Variants in MAGI2 observed in about 807,000 individuals in gnomAD.
MAGI2 encodes the protein membrane-associated guanylate kinase, WW and PDZ domain-containing protein 2.
In MAGI2, 35 loss-of-function variants were observed where a neutral mutation model predicts 133.3. That is an observed-to-expected ratio of 0.26 (90% confidence interval 0.20 to 0.35). The LOEUF (loss-of-function observed/expected upper bound fraction) is 0.35, where lower values mean the gene tolerates loss of function less well. Ranked by LOEUF, MAGI2 falls within the 10% of genes least tolerant of loss-of-function variation. The pLI is 1.00. For missense variants in MAGI2, 1,636 were observed against 1,863.4 expected (o/e 0.88, Z 2.25); for synonymous variants, 729 against 710.6 (o/e 1.03, Z -0.41).
At chr7:78,068,711 G>A (rs979974182) in intron 21 of MAGI2, among the ~76,000 whole-genome samples, 5 of 152,170 alleles carry the variant, frequency 3.3e-5, no homozygotes, top group African/African-American at 7.2e-5. Flanking sequence ...ATTTGACTAG[G>A]GGAAACCAGG....
At chr7:78,355,960 A>C (rs1007376025) in intron 7 of MAGI2, among the ~76,000 whole-genome samples, 17 of 152,190 alleles carry the variant, frequency 1.1e-4, no homozygotes, top group Non-Finnish European at 1.9e-4. Context: ...ATATTGGAGA[A>C]AGTGAGAAAT....
At chr7:78,554,310 G>T (rs1799604074) in intron 3 of MAGI2, among the ~76,000 whole-genome samples, 1 of 152,196 alleles carries the variant, frequency 6.6e-6, no homozygotes, top group Non-Finnish European at 1.5e-5. Flanking sequence ...GGGGCTGCAA[G>T]CACCATCATG....
intron 2 of MAGI2, among the ~76,000 whole-genome samples, chr7:78,828,409 A>C (rs1481985499): frequency 6.6e-6 from 1 of 152,190 alleles, no homozygotes; most frequent in African/African-American, 2.4e-5. Flanking sequence ...CTTCCCCAAC[A>C]CACAATTCTA....
At chr7:78,540,560 G>A (rs1247862561) in intron 3 of MAGI2, among the ~76,000 whole-genome samples, 1 of 152,118 alleles carries the variant, frequency 6.6e-6, no homozygotes, top group South Asian at 2.1e-4. Flanking sequence ...CACCTGCCAT[G>A]ACTTATGTGC....
chr7:78,299,008 G>A (rs1334729540), intron 9 of MAGI2, among the ~76,000 whole-genome samples: 5 of 150,102 alleles, frequency 3.3e-5, no homozygotes, highest in African/African-American at 9.8e-5. Context: ...GTACAGACAG[G>A]GTTTCTCTGT....
intron 2 of MAGI2, among the ~76,000 whole-genome samples, chr7:78,641,185 A>T (rs1810264699): frequency 6.6e-6 from 1 of 152,168 alleles, no homozygotes; most frequent in Admixed American, 6.6e-5. Flanking sequence ...TCTTTTCTTT[A>T]TAAATTATAC....
intron 21 of MAGI2, among the ~76,000 whole-genome samples, chr7:78,022,890 G>T (rs531763044): frequency 0.015 from 2,357 of 152,260 alleles, 71 homozygotes; most frequent in African/African-American, 0.053. Context: ...TTTGTTTATA[G>T]ATCATTAAAC....
intron 1 of MAGI2, among the ~76,000 whole-genome samples, chr7:79,448,000 G>T (rs1848981636): frequency 6.6e-6 from 1 of 151,830 alleles, no homozygotes; most frequent in Admixed American, 6.6e-5. Flanking sequence ...AATATAAGAA[G>T]TATAAACTCC....
At chr7:78,675,119 G>A (rs1006199010) in intron 2 of MAGI2, among the ~76,000 whole-genome samples, 1 of 152,054 alleles carries the variant, frequency 6.6e-6, no homozygotes, top group African/African-American at 2.4e-5. Context: ...CAGTATTGCT[G>A]GGGGTTACTG....
intron 1 of MAGI2, among the ~76,000 whole-genome samples, chr7:79,216,709 T>C (rs1282958558): frequency 6.6e-6 from 1 of 152,104 alleles, no homozygotes; most frequent in African/African-American, 2.4e-5. Context: ...GGAACTCTCC[T>C]GTTTCACATA....
chr7:79,207,069 G>A (rs1016331049), intron 1 of MAGI2, among the ~76,000 whole-genome samples: 10 of 151,726 alleles, frequency 6.6e-5, no homozygotes, highest in East Asian at 1.9e-4. Context: ...TCTATAGTCC[G>A]TAACACAATA....
At chr7:78,501,539 C>G in intron 5 of MAGI2, 38 bp downstream of exon 5, 1 of 1,513,206 alleles carries the variant, frequency 6.6e-7, no homozygotes, top group Non-Finnish European at 9.2e-7. Context: ...CCCGCTATGA[C>G]CTTTTTGGCA....
intron 3 of MAGI2, 107 bp from the exon 4 acceptor site, chr7:78,521,752 G>A: frequency 1.2e-6 from 1 of 830,172 alleles, no homozygotes; most frequent in Non-Finnish European, 2.0e-6. Flanking sequence ...TATTTTATAT[G>A]TACATACATA....
At chr7:78,045,429 C>T (rs1811322058) in intron 21 of MAGI2, among the ~76,000 whole-genome samples, 2 of 152,100 alleles carry the variant, frequency 1.3e-5, no homozygotes, top group South Asian at 4.1e-4. Flanking sequence ...AATTTAGAAA[C>T]ACTTCTCTTC....
intron 3 of MAGI2, among the ~76,000 whole-genome samples, chr7:78,561,646 G>A (rs1443599921): frequency 6.6e-6 from 1 of 152,186 alleles, no homozygotes; most frequent in African/African-American, 2.4e-5. Flanking sequence ...TCAGGGTTGT[G>A]GGGTTTGAGA....
chr7:78,485,320 G>A (rs1473546052), intron 6 of MAGI2: 1 of 151,978 alleles, frequency 6.6e-6, no homozygotes, highest in Non-Finnish European at 1.5e-5. Context: ...CATGTAGACT[G>A]CTGCTAAAAC....
At chr7:79,172,765 A>T (rs1022269608) in intron 1 of MAGI2, among the ~76,000 whole-genome samples, 1 of 152,068 alleles carries the variant, frequency 6.6e-6, no homozygotes, top group African/African-American at 2.4e-5. Context: ...ATAGGATGTT[A>T]TCTATAATCT....
At chr7:79,028,127 G>A (rs571356418) in intron 1 of MAGI2, among the ~76,000 whole-genome samples, 3 of 150,414 alleles carry the variant, frequency 2.0e-5, no homozygotes, top group Admixed American at 6.6e-5. Flanking sequence ...CAGGAGAATC[G>A]CTTGAACCCG....
intron 13 of MAGI2, 200 bp downstream of exon 13, chr7:78,185,429 T>C: frequency 2.4e-6 from 1 of 415,296 alleles, no homozygotes; most frequent in Non-Finnish European, 4.3e-6. Context: ...AATATGACTG[T>C]TTTCCTTTGT....
Sources: gnomAD v4.1 joint callset for allele counts (sites outside exome capture counted in the v4.1 genomes callset) on GRCh38, gnomAD v4.1.1 for gene constraint, MANE v1.5 for transcripts, NCBI Gene and HGNC (gene_info 2026-07-23, HGNC 2026-07-21) for gene names.